Variants in KNDC1 observed in about 807,000 individuals in gnomAD.
KNDC1 encodes kinase non-catalytic C-lobe domain containing 1, also known as kinase non-catalytic C-lobe domain-containing protein 1.
A neutral mutation model predicts 172.8 loss-of-function variants in KNDC1; 106 were observed. The ratio of observed to expected loss-of-function variants is 0.61; its 90% CI spans 0.52 to 0.72. The LOEUF (loss-of-function observed/expected upper bound fraction) is 0.72. Among genes scored for constraint, KNDC1 ranks in the 30% least tolerant of loss-of-function variants. KNDC1 has a pLI of 0.00. For missense variants in KNDC1, 2,325 were observed against 2,394.5 expected, an observed-to-expected ratio of 0.97 and a Z score of 0.61; for synonymous variants, 1,083 against 1,062.2, an observed-to-expected ratio of 1.02 and a Z score of -0.38.
rs750767703 is a variant in KNDC1, at chr10:133,199,154, G to A, written c.2646G>A (p.Ser882=). The A allele has an allele frequency of 1.0e-5, 16 of 1,601,198 alleles. No individual in the cohort carries two copies. The highest frequency in any genetic ancestry group is 5.6e-5 in the South Asian group (5 of 89,290). Residue 882 remains serine (S), a synonymous_variant, in exon 14 of 30, where the codon TCG becomes TCA. Coordinates refer to ENST00000304613, the MANE Select transcript of KNDC1 (RefSeq NM_152643.8). The stretch of plus-strand genomic sequence containing the variant: ...TCTGTCTGCCCTGCGTGGATGCCTC[G>A]CCACTCCCAGGGAGGACGGCCTGCC... ...RRLCLPCVDA[S]PLPGRTACPS... is the part of the protein sequence containing the mutation.
chr10:133,222,455 G>GTGTGCA (rs1845619755), intron 29 of KNDC1, among the ~76,000 whole-genome samples: 1 of 82,302 alleles, frequency 1.2e-5, no homozygotes, highest in Non-Finnish European at 2.8e-5. Flanking sequence ...GCGTGTGTGT[G>GTGTGCA]TGTGTGTGAG....
chr10:133,199,505 G>T lies in KNDC1; in HGVS notation c.2806G>T (p.Gly936Cys), dbSNP rs1023502252. The change falls in exon 15 of 30, where the codon GGC (glycine) becomes TGC (cysteine). Residue 936 changes from glycine to cysteine, a missense_variant. Transcript: ENST00000304613. The stretch of plus-strand genomic sequence containing the variant: ...AGATCTCACCTTTGCCACTTTCTGT[G>T]GCGCCATTTCCGAGAAGTTCTGTGA... ...LKDLTFATFC[G>C]AISEKFCDLY... The T allele has an allele frequency of 6.2e-7, 1 of 1,613,932 alleles. No individual in the cohort carries two copies. The highest frequency in any genetic ancestry group is 8.5e-7 in the Non-Finnish European group (1 of 1,179,994).
Position 133,167,474 on chromosome 10 carries a change from A to G in KNDC1, c.196A>G (p.Met66Val), listed in dbSNP as rs766270618. 8 of 1,606,788 alleles carry G rather than the reference A, an allele frequency of 5.0e-6. No homozygotes were observed. The South Asian group carries it at 7.8e-5, about 16-fold the overall frequency. The change falls in exon 2 of 30, where the codon ATG becomes GTG. Residue 66 changes from methionine to valine, a missense_variant. By Grantham distance (21) the Met-to-Val change is conservative. Transcript: ENST00000304613. Reference protein sequence around the residue: ...WAVCLECSLSMRSVAHAAIFQ... With the variant: ...WAVCLECSLSVRSVAHAAIFQ... ...CGTGTGCCTGGAGTGCAGCCTGTCC[A>G]TGCGGAGCGTGGCCCACGCCGCCAT...
rs200483737 is a variant in KNDC1 at position 133,198,605 on chromosome 10, G to A, written c.2097G>A (p.Glu699=). ...ACCAGCCTGCCTTGGCCCAGGAGGA[G>A]TCCGAGGAGAGGGGCGGCCAGAGGG... ...ARDQPALAQE[E]SEERGGQREG... is the part of the protein sequence containing the mutation. The change falls in exon 14 of 30, where the codon GAG becomes GAA. Residue 699 remains glutamate (E), a synonymous_variant. Coordinates refer to ENST00000304613, the MANE Select transcript of KNDC1 (RefSeq NM_152643.8). 7.5e-6 allele frequency: 12 copies of A among 1,599,746 alleles called. No homozygotes were observed. In the Admixed American group the frequency reaches 1.4e-4, roughly 18 times the overall value.
At chr10:133,223,320 CGTGT>C (rs752226804) in intron 29 of KNDC1, among the ~76,000 whole-genome samples, 5 of 40,688 alleles carry the variant, frequency 1.2e-4, no homozygotes, top group Admixed American at 2.8e-4. Flanking sequence ...CTGTTCCCGG[CGTGT>C]GTGTGTGTGT....
chr10:133,199,241 C>T lies in KNDC1; in HGVS notation c.2733C>T (p.Asp911=). ...AATTTGCCTTCGATGGCTACCTGGA[C>T]AATGGGCTGGAGGCTCTGATCATGG... ...QEEFAFDGYL[D]NGLEALIMGE... Residue 911 remains aspartate (D), a synonymous_variant, in exon 14 of 30, where the codon GAC becomes GAT. Coordinates refer to ENST00000304613, the MANE Select transcript of KNDC1 (RefSeq NM_152643.8). 1 of 1,566,422 alleles carries T rather than the reference C, an allele frequency of 6.4e-7. No homozygotes were observed. The highest frequency in any genetic ancestry group is 8.7e-7 in the Non-Finnish European group (1 of 1,154,388).
At chr10:133,166,498 CG>C (rs1396009427) in intron 1 of KNDC1, among the ~76,000 whole-genome samples, 1 of 151,972 alleles carries the variant, frequency 6.6e-6, no homozygotes, top group Non-Finnish European at 1.5e-5. Context: ...GGCATGTGTG[CG>C]GTGGCATGTA....
In KNDC1 at chr10:133,198,835, C is replaced by T. The variant is rs1183392648; in HGVS notation, c.2327C>T (p.Ala776Val). ...AACCAGCCAGAGGGGGCCTCATCGG[C>T]AGCTCCCGGCTCTCCAGTCCCCGCC... is the stretch of plus-strand genomic sequence containing the variant. ...PANQPEGASS[A>V]APGSPVPAPP... The change falls in exon 14 of 30, where the codon GCA (alanine) becomes GTA (valine). Residue 776 changes from alanine (A) to valine (V), a missense_variant. Coordinates refer to ENST00000304613, the MANE Select transcript of KNDC1 (RefSeq NM_152643.8). 1.3e-6 allele frequency: 2 copies of T among 1,599,222 alleles called. No individual in the cohort carries two copies. The highest frequency in any genetic ancestry group is 1.7e-6 in the Non-Finnish European group (2 of 1,175,024).
intron 25 of KNDC1, 72 bp downstream of exon 25, chr10:133,213,799 A>ACGCT: frequency 6.7e-7 from 1 of 1,483,136 alleles, no homozygotes; most frequent in Non-Finnish European, 9.4e-7. Context: ...AGTCTTGTGG[A>ACGCT]CGCTCCTGAC....
intron 24 of KNDC1, 82 bp from the exon 25 acceptor site, chr10:133,213,563 C>A: frequency 8.1e-7 from 1 of 1,238,078 alleles, no homozygotes; most frequent in Non-Finnish European, 1.2e-6. Flanking sequence ...CCAGAAAACA[C>A]CCACCCTCCC....
chr10:133,218,074 A>G (rs568814910), intron 26 of KNDC1, among the ~76,000 whole-genome samples: 1 of 152,030 alleles, frequency 6.6e-6, no homozygotes, highest in African/African-American at 2.4e-5. Flanking sequence ...AAAAAAAAAA[A>G]AAGAGTCGAT....
Position 133,186,200 on chromosome 10 carries a change from T to C in KNDC1, c.852T>C (p.Asp284=), listed in dbSNP as rs1395172758. ...SREGLAGLVL[D]AERTLGELDR... ...AGGGGCTGGCCGGCCTCGTCCTGGA[T>C]GCCGAGCGCACCCTCGGGGAGCTGG... is the stretch of plus-strand genomic sequence containing the variant. The change falls in exon 6 of 30, where the codon GAT becomes GAC. Residue 284 remains aspartate, a synonymous_variant. Transcript: ENST00000304613. 9 of 1,572,576 alleles carry C rather than the reference T, an allele frequency of 5.7e-6. No homozygotes were observed. Among genetic ancestry groups the C allele is most frequent in the African/African-American group, 1.4e-5 (1 of 73,798 alleles).
intron 3 of KNDC1, among the ~76,000 whole-genome samples, chr10:133,181,984 A>G (rs11814498): frequency 0.057 from 8,687 of 152,202 alleles, 786 homozygotes; most frequent in African/African-American, 0.19. Context: ...AAGACATCTC[A>G]GGAGAAAAAG....
intron 12 of KNDC1, 98 bp from the exon 13 acceptor site, chr10:133,198,239 G>C: frequency 7.4e-7 from 1 of 1,357,290 alleles, no homozygotes; most frequent in Non-Finnish European, 9.8e-7. Context: ...GCGGCACCAC[G>C]CACTGGGTGG....
intron 17 of KNDC1, 120 bp downstream of exon 17, chr10:133,202,018 G>C: frequency 8.7e-7 from 1 of 1,147,886 alleles, no homozygotes; most frequent in Non-Finnish European, 1.3e-6. Context: ...GGGTGACACT[G>C]GTCCTGGTGC....
At position 133,188,465 on chromosome 10, in the gene KNDC1, C is replaced by G. The variant is rs1478757157; in HGVS notation, c.1327-74C>G. On this transcript the variant is annotated intron_variant, in intron 6 of 29. Coordinates refer to ENST00000304613, the MANE Select transcript of KNDC1 (RefSeq NM_152643.8). ...AGTGGGCCTCACCCTGGCCTGTCCCCCGGACATGCCTCTCCAGGCGGCGGG... is the reference window on the plus strand; with the variant it reads ...AGTGGGCCTCACCCTGGCCTGTCCCGCGGACATGCCTCTCCAGGCGGCGGG... 8.2e-6 allele frequency: 8 copies of G among 972,816 alleles called. No homozygotes were observed. In the East Asian group the frequency reaches 1.8e-4, roughly 22 times the overall value. 60.3% of individuals were successfully genotyped at this position (972,816 alleles called of 1,614,324 possible). A position where few individuals can be genotyped will look rare whatever the true frequency, so the allele number is the denominator to read the frequency against.
At position 133,224,937 on chromosome 10, in the gene KNDC1, G is replaced by A. The variant is rs1271416593; in HGVS notation, c.*47G>A. The A allele has an allele frequency of 2.7e-6, 4 of 1,498,944 alleles. No homozygotes were observed. Among genetic ancestry groups the A allele is most frequent in the Non-Finnish European group, 2.8e-6 (3 of 1,084,036 alleles). The allele number at this position is 1,498,944 out of a possible 1,614,324, so 92.9% of individuals were successfully genotyped here. On this transcript the variant is annotated 3_prime_UTR_variant, in exon 30 of 30. Coordinates refer to ENST00000304613, the MANE Select transcript of KNDC1 (RefSeq NM_152643.8). The surrounding 1 kb of genome is among the most constrained non-coding windows in gnomAD (Gnocchi z 5.4). ...AATTCCAGATCCGAATCCGACTGTG[G>A]GGGGCGGGCTGGGAGGTGGGAGCCG... is the stretch of plus-strand genomic sequence containing the variant.
intron 3 of KNDC1, among the ~76,000 whole-genome samples, chr10:133,169,710 G>A (rs1478716115): frequency 2.0e-5 from 3 of 151,862 alleles, no homozygotes; most frequent in African/African-American, 7.3e-5. Flanking sequence ...TGGCTGGGAT[G>A]TGGCTGTGGC....
intron 5 of KNDC1, 82 bp downstream of exon 5, chr10:133,184,071 C>A (rs1853806715): frequency 8.4e-6 from 6 of 715,680 alleles, no homozygotes; most frequent in Non-Finnish European, 7.0e-6. Flanking sequence ...ATGCTGCAAA[C>A]ACACCCATGC....
Sources: allele counts gnomAD v4.1 joint callset (sites outside exome capture counted in the v4.1 genomes callset), GRCh38; gene constraint gnomAD v4.1.1; non-coding constraint Gnocchi (gnomAD v3.1); transcripts MANE v1.5; gene names NCBI Gene and HGNC (gene_info 2026-07-23, HGNC 2026-07-21).